NLRP14: variants seen among roughly 807,000 people sequenced by gnomAD.
The protein encoded by NLRP14 is NACHT, LRR and PYD domains-containing protein 14.
A neutral mutation model predicts 94.7 loss-of-function variants in NLRP14; 105 were observed. That is an observed-to-expected ratio of 1.11 (90% confidence interval 0.95 to 1.30). The LOEUF (loss-of-function observed/expected upper bound fraction) is 1.30. NLRP14 is among the 50% of genes most tolerant of loss of function. The probability of loss-of-function intolerance (pLI) is 0.00; values close to 1 mark genes in which losing one functional copy is unlikely to be tolerated. For synonymous variants in NLRP14, 508 were observed against 459.9 expected, an observed-to-expected ratio of 1.10 and a Z score of -1.34; for missense variants, 1,362 against 1,254.1, an observed-to-expected ratio of 1.09 and a Z score of -1.30.
intron 9 of NLRP14, 82 bp from the exon 10 acceptor site, chr11:7,062,251 A>T: frequency 8.5e-7 from 1 of 1,182,920 alleles, no homozygotes; most frequent in Non-Finnish European, 1.3e-6. Context: ...AAGAGGTTCA[A>T]ATACCTGGGT....
At chr11:7,046,435 A>G (rs1852350630) in intron 4 of NLRP14, among the ~76,000 whole-genome samples, 1 of 151,664 alleles carries the variant, frequency 6.6e-6, no homozygotes, top group South Asian at 2.1e-4. Flanking sequence ...TCTGGTTTTT[A>G]TTTTGTGTGT....
At chr11:7,045,807 G>T (rs191555786) in intron 4 of NLRP14, among the ~76,000 whole-genome samples, 40 of 151,808 alleles carry the variant, frequency 2.6e-4, no homozygotes, top group African/African-American at 8.7e-4. Context: ...CTTATAGCAT[G>T]AGACATTTGC....
Position 7,042,884 on chromosome 11 carries a change from C to G in NLRP14, c.858C>G (p.Ser286=). ...ACTGGACCCAAGAACACCCAGTGTC[C>G]TTCCTCATGAGTAGTTTGCTGAGGA... ...CEDWTQEHPV[S]FLMSSLLRKV... is the part of the protein sequence containing the mutation. The change falls in exon 4 of 12, where the codon TCC becomes TCG. Residue 286 remains serine, a synonymous_variant. Transcript: ENST00000299481. The G allele has an allele frequency of 6.2e-7, 1 of 1,614,144 alleles. No individual in the cohort carries two copies. The highest frequency in any genetic ancestry group is 8.5e-7 in the Non-Finnish European group (1 of 1,180,022).
intron 5 of NLRP14, among the ~76,000 whole-genome samples, chr11:7,048,465 A>G (rs1010964832): frequency 3.3e-5 from 5 of 152,192 alleles, no homozygotes; most frequent in Admixed American, 2.0e-4. Flanking sequence ...AATGCTGAAC[A>G]AATGATAGAT....
At chr11:7,087,527 A>C in the NLRP14 span, among the ~76,000 whole-genome samples, 1 of 152,188 alleles carries the variant, frequency 6.6e-6, no homozygotes, top group Non-Finnish European at 1.5e-5. Flanking sequence ...AACCCTCTGG[A>C]GTGATGGAAA....
chr11:7,072,671 C>T (rs189132873), downstream of NLRP14, among the ~76,000 whole-genome samples: 15 of 152,230 alleles, frequency 9.9e-5, no homozygotes, highest in East Asian at 2.9e-3. Context: ...TGCATGCTCC[C>T]TTGGGATGAT....
At position 7,042,856 on chromosome 11, in the gene NLRP14, A is replaced by G; in HGVS notation, c.830A>G (p.Glu277Gly). The change falls in exon 4 of 12, where the codon GAA (glutamate) becomes GGA (glycine). Residue 277 changes from glutamate (E) to glycine (G), a missense_variant. By Grantham distance (98) the Glu-to-Gly change is moderately conservative. Coordinates refer to ENST00000299481, the MANE Select transcript of NLRP14 (RefSeq NM_176822.4). ...GAAGAACCTGAGTTTGCACTGTGCG[A>G]AGACTGGACCCAAGAACACCCAGTG... is the stretch of plus-strand genomic sequence containing the variant. ...AFEEPEFALC[E>G]DWTQEHPVSF... 1 of 1,614,198 alleles carries G rather than the reference A, an allele frequency of 6.2e-7. No homozygotes were observed. Among genetic ancestry groups the G allele is most frequent in the Non-Finnish European group, 8.5e-7 (1 of 1,180,036 alleles).
downstream of NLRP14, among the ~76,000 whole-genome samples, chr11:7,076,488 A>G (rs1388490837): frequency 6.6e-6 from 1 of 151,960 alleles, no homozygotes; most frequent in African/African-American, 2.4e-5. Context: ...CTCTTTTATT[A>G]TAAGCATTAA....
At chr11:7,090,041 C>T in the NLRP14 span, 1 of 1,612,960 alleles carries the variant, frequency 6.2e-7, no homozygotes, top group South Asian at 1.1e-5. Context: ...GAGGAGGCCG[C>T]TACGAGGAGT....
the NLRP14 span, among the ~76,000 whole-genome samples, chr11:7,078,439 A>AT: frequency 8.2e-6 from 1 of 121,864 alleles, no homozygotes; most frequent in African/African-American, 3.7e-5. Context: ...CTCTGTCTCA[A>AT]AAAAAAAAAA....
At chr11:7,057,300 C>A (rs889391817) in intron 6 of NLRP14, among the ~76,000 whole-genome samples, 1 of 152,010 alleles carries the variant, frequency 6.6e-6, no homozygotes, top group Admixed American at 6.6e-5. Context: ...AACTTCCTGT[C>A]CATTTCTGTT....
At chr11:7,079,315 C>T in the NLRP14 span, among the ~76,000 whole-genome samples, 1 of 152,176 alleles carries the variant, frequency 6.6e-6, no homozygotes, top group Non-Finnish European at 1.5e-5. Flanking sequence ...AGAATGCCCC[C>T]TCTTTGCCTG....
chr11:7,086,708 A>C, the NLRP14 span, among the ~76,000 whole-genome samples: 113,537 of 151,944 alleles, frequency 0.75, 43,633 homozygotes, highest in Non-Finnish European at 0.84. Flanking sequence ...CATTTTTTGC[A>C]GAGCAGAGAC....
intron 5 of NLRP14, among the ~76,000 whole-genome samples, chr11:7,047,977 C>T (rs912198610): frequency 6.6e-6 from 1 of 151,664 alleles, no homozygotes; most frequent in African/African-American, 2.4e-5. Flanking sequence ...CCAAGCTGGT[C>T]TCAAACTCCT....
At chr11:7,076,534 TG>T in the NLRP14 span, among the ~76,000 whole-genome samples, 1 of 152,180 alleles carries the variant, frequency 6.6e-6, no homozygotes, top group Non-Finnish European at 1.5e-5. Context: ...TGATCCTCTC[TG>T]GCCACTCAGC....
Position 7,027,267 on chromosome 11 carries a change from CA to C in NLRP14, c.-22+6501del, listed in dbSNP as rs112205269. On this transcript the variant is annotated intron_variant, in intron 1 of 11. Coordinates refer to ENST00000299481, the MANE Select transcript of NLRP14 (RefSeq NM_176822.4). The stretch of plus-strand genomic sequence containing the variant: ...TTTTAGTTAGTGTAGGCTCTTATAA[CA>C]AAATACCATAAACTAGATGGTTGAC... 2.6e-4 allele frequency among the ~76,000 whole-genome samples: 39 copies of C among 151,820 alleles called. 1 individual carries two copies. Among genetic ancestry groups the C allele is most frequent in the Middle Eastern group, 3.4e-3 (1 of 294 alleles).
the NLRP14 span, among the ~76,000 whole-genome samples, chr11:7,088,868 G>C: frequency 6.6e-6 from 1 of 152,208 alleles, no homozygotes; most frequent in Non-Finnish European, 1.5e-5. Flanking sequence ...AGGTGAACAG[G>C]AAGTTAAAGA....
intron 10 of NLRP14, among the ~76,000 whole-genome samples, chr11:7,069,303 T>C (rs531423014): frequency 6.6e-6 from 1 of 152,326 alleles, no homozygotes; most frequent in South Asian, 2.1e-4. Flanking sequence ...AAAAAAAAGT[T>C]TTGTATGCTC....
chr11:7,063,353 C>T (rs1376867263), intron 10 of NLRP14, among the ~76,000 whole-genome samples: 4 of 152,042 alleles, frequency 2.6e-5, no homozygotes, highest in Admixed American at 1.3e-4. Flanking sequence ...GCGTCAGTTC[C>T]TTTTGTCCCC....
Sources: allele counts gnomAD v4.1 joint callset (sites outside exome capture counted in the v4.1 genomes callset), GRCh38; gene constraint gnomAD v4.1.1; transcripts MANE v1.5; gene names NCBI Gene and HGNC (gene_info 2026-07-23, HGNC 2026-07-21).